EBF1: variants seen among roughly 807,000 people sequenced by gnomAD.
EBF1 encodes transcription factor COE1.
A neutral mutation model predicts 68.4 loss-of-function variants in EBF1; 10 were observed. The observed-to-expected ratio is 0.15, with a 90% CI of 0.09 to 0.25. The LOEUF is 0.25. Among genes scored for constraint, EBF1 ranks in the 10% least tolerant of loss-of-function variants. The pLI is 1.00. For missense variants in EBF1, 509 were observed against 794.4 expected, an observed-to-expected ratio of 0.64 and a Z score of 4.32; for synonymous variants, 298 against 299.8, an observed-to-expected ratio of 0.99 and a Z score of 0.06.
chr5:158,809,295 A>G (rs191984773), intron 8 of EBF1, among the ~76,000 whole-genome samples: 18 of 152,262 alleles, frequency 1.2e-4, no homozygotes, highest in African/African-American at 4.3e-4. Context: ...ACATAGCTGA[A>G]TCTCAGGGAT....
intron 6 of EBF1, among the ~76,000 whole-genome samples, chr5:158,976,805 C>T (rs1321775153): frequency 1.3e-5 from 2 of 152,128 alleles, no homozygotes; most frequent in Non-Finnish European, 2.9e-5. Flanking sequence ...ATTAAAGAAA[C>T]ATTTTGTATT....
chr5:158,815,898 C>T (rs1156325728), intron 8 of EBF1, among the ~76,000 whole-genome samples: 1 of 152,178 alleles, frequency 6.6e-6, no homozygotes, highest in Non-Finnish European at 1.5e-5. Context: ...AAAGTAAAAG[C>T]CCTGATTTGA....
chr5:158,914,424 G>A (rs1056766746), intron 6 of EBF1, among the ~76,000 whole-genome samples: 4 of 152,120 alleles, frequency 2.6e-5, no homozygotes, highest in Non-Finnish European at 5.9e-5. Context: ...GCCGCACGAG[G>A]GGGGTAACCA....
chr5:158,756,420 T>G (rs1271713639), intron 10 of EBF1, among the ~76,000 whole-genome samples: 1 of 152,172 alleles, frequency 6.6e-6, no homozygotes, highest in East Asian at 1.9e-4. Context: ...GGGACAAATT[T>G]GATTTTTTCT....
At chr5:159,019,106 C>T (rs565097828) in intron 6 of EBF1, 1 of 152,268 alleles carries the variant, frequency 6.6e-6, no homozygotes, top group Non-Finnish European at 1.5e-5. Context: ...GTTCAGAAGA[C>T]ACCCAAACCA....
chr5:158,888,418 G>C (rs566721140), intron 6 of EBF1, among the ~76,000 whole-genome samples: 1 of 152,060 alleles, frequency 6.6e-6, no homozygotes, highest in African/African-American at 2.4e-5. Context: ...AGAAAGTTGT[G>C]TACATTCATT....
intron 3 of EBF1, 86 bp from the exon 4 acceptor site, chr5:159,095,761 A>G: frequency 3.6e-6 from 5 of 1,404,212 alleles, no homozygotes; most frequent in Non-Finnish European, 5.0e-6. Context: ...AACAAAAAAT[A>G]ACAACAAAAC....
chr5:158,971,118 T>C (rs907002593), intron 6 of EBF1, among the ~76,000 whole-genome samples: 3 of 152,382 alleles, frequency 2.0e-5, no homozygotes, highest in Admixed American at 1.3e-4. Context: ...ACATTTATCA[T>C]GGACTCAAAA....
chr5:158,758,506 CA>C (rs1770644923), intron 10 of EBF1, among the ~76,000 whole-genome samples: 1 of 152,022 alleles, frequency 6.6e-6, no homozygotes, highest in Non-Finnish European at 1.5e-5. Flanking sequence ...TGTTTTAGGA[CA>C]ATTCAAATGC....
At chr5:158,807,844 C>A (rs1473764578) in intron 8 of EBF1, among the ~76,000 whole-genome samples, 1 of 152,122 alleles carries the variant, frequency 6.6e-6, no homozygotes, top group Non-Finnish European at 1.5e-5. Context: ...TGCAAGACAG[C>A]ATAGATAGTG....
intron 7 of EBF1, among the ~76,000 whole-genome samples, chr5:158,833,981 T>G (rs953457463): frequency 4.6e-5 from 7 of 152,240 alleles, no homozygotes; most frequent in South Asian, 4.1e-4. Context: ...CTATTTACAT[T>G]CATATATAGT....
At chr5:159,043,772 C>T (rs1227853517) in intron 6 of EBF1, among the ~76,000 whole-genome samples, 1 of 152,150 alleles carries the variant, frequency 6.6e-6, no homozygotes, top group Non-Finnish European at 1.5e-5. Context: ...GCACTTCATA[C>T]GTCATGAGGG....
At chr5:158,818,366 C>T (rs1784168901) in intron 8 of EBF1, among the ~76,000 whole-genome samples, 1 of 152,184 alleles carries the variant, frequency 6.6e-6, no homozygotes. Flanking sequence ...GCTGGACACC[C>T]AGGGGCAACT....
chr5:159,096,562 C>T (rs529505045), intron 2 of EBF1, 156 bp from the exon 3 acceptor site: 80 of 758,998 alleles, frequency 1.1e-4, no homozygotes, highest in Middle Eastern at 6.2e-4. Context: ...AATTGTGATC[C>T]CTCCTCCGCC....
intron 6 of EBF1, among the ~76,000 whole-genome samples, chr5:159,064,282 G>A (rs1584367604): frequency 6.6e-6 from 1 of 152,128 alleles, no homozygotes; most frequent in South Asian, 2.1e-4. Context: ...ACATGAAAAT[G>A]TGCTGTGGAT....
intron 6 of EBF1, among the ~76,000 whole-genome samples, chr5:159,005,196 C>G (rs1275329642): frequency 6.6e-6 from 1 of 152,136 alleles, no homozygotes; most frequent in Non-Finnish European, 1.5e-5. Context: ...CTCAAAAGTG[C>G]CCCCAATTAA....
At chr5:158,905,113 A>G (rs1303577274) in intron 6 of EBF1, among the ~76,000 whole-genome samples, 1 of 152,208 alleles carries the variant, frequency 6.6e-6, no homozygotes, top group Non-Finnish European at 1.5e-5. Flanking sequence ...GAAAACTTTA[A>G]CTGGAATAAG....
chr5:158,731,470 T>C (rs939852035), intron 10 of EBF1, among the ~76,000 whole-genome samples: 1 of 152,240 alleles, frequency 6.6e-6, no homozygotes, highest in Non-Finnish European at 1.5e-5. Context: ...GTTTTTAGTA[T>C]CCACTTTAAT....
chr5:159,072,153 C>G (rs1777908404), intron 6 of EBF1, among the ~76,000 whole-genome samples: 1 of 152,080 alleles, frequency 6.6e-6, no homozygotes, highest in Non-Finnish European at 1.5e-5. Context: ...TATACTAATA[C>G]TCTTATATGG....
Sources: allele counts gnomAD v4.1 joint callset (sites outside exome capture counted in the v4.1 genomes callset), GRCh38; gene constraint gnomAD v4.1.1; transcripts MANE v1.5; gene names NCBI Gene and HGNC (gene_info 2026-07-23, HGNC 2026-07-21).